The following TMEM132D variants were observed in gnomAD, a reference collection of about 807,000 sequenced individuals.
TMEM132D encodes transmembrane protein 132D.
TMEM132D carries 21 observed loss-of-function variants against 62.3 expected under a neutral mutation model. The observed-to-expected ratio is 0.34, with a 90% CI of 0.24 to 0.49. The LOEUF is 0.49. Among genes scored for constraint, TMEM132D ranks in the 20% least tolerant of loss-of-function variants. The pLI, the probability that TMEM132D is intolerant of heterozygous loss-of-function variation, is 0.99. For missense variants in TMEM132D, 1,346 were observed against 1,402.8 expected, an observed-to-expected ratio of 0.96 and a Z score of 0.65; for synonymous variants, 621 against 575.6, an observed-to-expected ratio of 1.08 and a Z score of -1.13.
chr12:129,813,586 A>G (rs1161143795), intron 1 of TMEM132D, among the ~76,000 whole-genome samples: 2 of 144,822 alleles, frequency 1.4e-5, no homozygotes, highest in Non-Finnish European at 3.0e-5. Flanking sequence ...GTGCCCAGTG[A>G]AGGATGGACG....
At chr12:129,701,893 C>T (rs1881394851) in intron 1 of TMEM132D, among the ~76,000 whole-genome samples, 2 of 152,188 alleles carry the variant, frequency 1.3e-5, no homozygotes, top group African/African-American at 2.4e-5. Flanking sequence ...CGAGTCAGGA[C>T]CCTTCTTGGC....
intron 2 of TMEM132D, among the ~76,000 whole-genome samples, chr12:129,669,937 G>T (rs1369645849): frequency 6.6e-6 from 1 of 152,128 alleles, no homozygotes; most frequent in Non-Finnish European, 1.5e-5. Flanking sequence ...TCAGACAGTT[G>T]CAAAGTGGTT....
intron 1 of TMEM132D, among the ~76,000 whole-genome samples, chr12:129,762,853 G>A (rs1870429016): frequency 1.3e-5 from 2 of 152,162 alleles, no homozygotes; most frequent in African/African-American, 2.4e-5. Context: ...TACCACCCGT[G>A]CAAACTCGCT....
chr12:129,376,712 G>A (rs1010618910), intron 3 of TMEM132D, among the ~76,000 whole-genome samples: 2 of 152,184 alleles, frequency 1.3e-5, no homozygotes, highest in Non-Finnish European at 1.5e-5. Flanking sequence ...GACTAGTCCT[G>A]AATAATCCCT....
chr12:129,550,112 G>A (rs1191325741), intron 2 of TMEM132D, among the ~76,000 whole-genome samples: 1 of 152,224 alleles, frequency 6.6e-6, no homozygotes, highest in Non-Finnish European at 1.5e-5. Flanking sequence ...TGACCTGGTT[G>A]TCATGAGAAA....
intron 6 of TMEM132D, among the ~76,000 whole-genome samples, 164 bp downstream of exon 6, chr12:129,084,333 C>T (rs536634970): frequency 4.6e-5 from 7 of 152,230 alleles, no homozygotes; most frequent in Admixed American, 6.5e-5. Flanking sequence ...TCCCGAAAAA[C>T]GCTGATAAAG....
rs1047433942 is a variant in TMEM132D, at chr12:129,827,515, G to A, written c.79+75746C>T. Among the ~76,000 whole-genome samples, 1 of 152,114 alleles carries A rather than the reference G, an allele frequency of 6.6e-6. No individual in the cohort carries two copies. The highest frequency in any genetic ancestry group is 2.4e-5 in the African/African-American group (1 of 41,420). On this transcript the variant is annotated intron_variant, in intron 1 of 8. Transcript: ENST00000422113. This position sits in a 1 kb window ranked among gnomAD's most constrained non-coding sequence, Gnocchi z 9.7. ...ACTTTTTAACTATTTTACTTCTATG[G>A]CTGATTAGACTGAGTCCACAGTAAT...
chr12:129,694,397 T>C (rs1226989410), intron 2 of TMEM132D, among the ~76,000 whole-genome samples: 5 of 152,182 alleles, frequency 3.3e-5, no homozygotes, highest in Non-Finnish European at 7.3e-5. Flanking sequence ...AAAGAAAGTC[T>C]AAGAAATGGT....
At chr12:129,199,846 C>T (rs189704105) in intron 5 of TMEM132D, among the ~76,000 whole-genome samples, 3 of 152,258 alleles carry the variant, frequency 2.0e-5, no homozygotes, top group Admixed American at 2.0e-4. Flanking sequence ...CAATTACCTC[C>T]CACTGGGTCC....
chr12:129,087,653 C>A (rs1270287115), intron 5 of TMEM132D, among the ~76,000 whole-genome samples: 1 of 152,142 alleles, frequency 6.6e-6, no homozygotes. Context: ...CCCACTAGAG[C>A]CTCTGGAGGG....
chr12:129,107,356 A>T (rs561350694), intron 5 of TMEM132D, among the ~76,000 whole-genome samples: 1 of 152,370 alleles, frequency 6.6e-6, no homozygotes, highest in Non-Finnish European at 1.5e-5. Context: ...GATTAATATA[A>T]TGCTCTAACT....
chr12:129,852,805 T>A (rs1873589254), intron 1 of TMEM132D: 1 of 152,216 alleles, frequency 6.6e-6, no homozygotes. Context: ...AACTGTCATT[T>A]GTGTTTTATG....
At chr12:129,540,448 C>A (rs1876553628) in intron 2 of TMEM132D, among the ~76,000 whole-genome samples, 1 of 152,000 alleles carries the variant, frequency 6.6e-6, no homozygotes, top group African/African-American at 2.4e-5. Context: ...CAATCTGCCT[C>A]TGGGTGTGTT....
At chr12:129,579,032 T>C (rs1423718680) in intron 2 of TMEM132D, among the ~76,000 whole-genome samples, 2 of 152,212 alleles carry the variant, frequency 1.3e-5, no homozygotes, top group Non-Finnish European at 2.9e-5. Context: ...CTTATTACCA[T>C]TGAAGGCTCA....
At chr12:129,289,388 A>G (rs777085441) in intron 4 of TMEM132D, among the ~76,000 whole-genome samples, 2 of 151,898 alleles carry the variant, frequency 1.3e-5, no homozygotes, top group Admixed American at 6.6e-5. Context: ...TACTAAAAAT[A>G]CAAAAATTAG....
chr12:129,667,613 A>G (rs1458638991), intron 2 of TMEM132D, among the ~76,000 whole-genome samples: 1 of 152,160 alleles, frequency 6.6e-6, no homozygotes, highest in African/African-American at 2.4e-5. Flanking sequence ...CCAAAATCAA[A>G]TTATAAATTA....
intron 2 of TMEM132D, among the ~76,000 whole-genome samples, chr12:129,674,712 T>C (rs1354566009): frequency 6.6e-6 from 1 of 152,112 alleles, no homozygotes; most frequent in East Asian, 1.9e-4. Context: ...GCTAATTTTT[T>C]GTATTTTTAG....
intron 2 of TMEM132D, among the ~76,000 whole-genome samples, chr12:129,621,721 T>G (rs773890098): frequency 1.3e-5 from 2 of 152,166 alleles, no homozygotes; most frequent in Admixed American, 6.5e-5. Context: ...CATCTTCCAG[T>G]GGAGGTAGGT....
chr12:129,688,768 T>C (rs1419605189), intron 2 of TMEM132D, among the ~76,000 whole-genome samples: 5 of 151,906 alleles, frequency 3.3e-5, no homozygotes, highest in African/African-American at 1.2e-4. Flanking sequence ...GAGCAGACCT[T>C]CTAGGGAATG....
Sources: gnomAD v4.1 joint callset for allele counts (sites outside exome capture counted in the v4.1 genomes callset) on GRCh38, gnomAD v4.1.1 for gene constraint, Gnocchi (gnomAD v3.1) non-coding constraint, MANE v1.5 for transcripts, NCBI Gene and HGNC (gene_info 2026-07-23, HGNC 2026-07-21) for gene names.